Variants in STK4 observed in about 807,000 individuals in gnomAD.
STK4 encodes the protein serine/threonine kinase 4.
A neutral mutation model predicts 64.9 loss-of-function variants in STK4; 30 were observed. The observed-to-expected ratio is 0.46, with a 90% CI of 0.35 to 0.63. STK4 has a LOEUF of 0.63. STK4 is among the 20% of genes least tolerant of loss of function. STK4 has a pLI of 0.01. For synonymous variants in STK4, 177 were observed against 199.0 expected, an observed-to-expected ratio of 0.89 and a Z score of 0.93; for missense variants, 466 against 598.5, an observed-to-expected ratio of 0.78 and a Z score of 2.31.
chr20:44,993,253 TAC>T (rs11472178), intron 5 of STK4, among the ~76,000 whole-genome samples: 14 of 151,068 alleles, frequency 9.3e-5, no homozygotes, highest in African/African-American at 1.9e-4. Flanking sequence ...GATATATATG[TAC>T]ACACACACAT....
intron 1 of STK4, among the ~76,000 whole-genome samples, chr20:44,966,906 C>G (rs958470366): frequency 6.6e-6 from 1 of 152,220 alleles, no homozygotes; most frequent in Non-Finnish European, 1.5e-5. Flanking sequence ...GAACGCTATC[C>G]AAGCAGGGAC....
intron 3 of STK4, among the ~76,000 whole-genome samples, chr20:44,979,785 C>CT (rs1201700122): frequency 6.6e-6 from 1 of 150,406 alleles, no homozygotes; most frequent in East Asian, 1.9e-4. Flanking sequence ...TTTTTCCCTT[C>CT]TATTTTTGTG....
intron 10 of STK4, among the ~76,000 whole-genome samples, chr20:45,037,873 A>G (rs769967715): frequency 3.3e-5 from 5 of 152,170 alleles, no homozygotes; most frequent in Non-Finnish European, 7.4e-5. Flanking sequence ...CTGGGAGGCA[A>G]GAATTATTAC....
chr20:45,048,609 G>C (rs2068731188), intron 10 of STK4, among the ~76,000 whole-genome samples: 1 of 151,962 alleles, frequency 6.6e-6, no homozygotes, highest in Non-Finnish European at 1.5e-5. Flanking sequence ...GCGTTCAGGT[G>C]GTTCTCCTGC....
intron 5 of STK4, among the ~76,000 whole-genome samples, chr20:44,994,850 T>A (rs1049059250): frequency 6.6e-6 from 1 of 152,184 alleles, no homozygotes; most frequent in African/African-American, 2.4e-5. Context: ...TTTGTTTTAA[T>A]AATTGATTGA....
rs2067819675 is a variant in STK4, at chr20:45,000,589, A to G, written c.960+69A>G. On this transcript the variant is annotated intron_variant, in intron 8 of 10. Coordinates refer to ENST00000372806, the MANE Select transcript of STK4 (RefSeq NM_006282.5). ...TTATTTTATGATTGCCAAACCAGGT[A>G]AGATGAGTAGGAGGTATTGGATCAA... The G allele has an allele frequency of 1.9e-6, 3 of 1,597,966 alleles. No homozygotes were observed. The Admixed American group carries it at 5.1e-5, about 27-fold the overall frequency.
chr20:44,995,668 G>T (rs1328719482), intron 6 of STK4, among the ~76,000 whole-genome samples: 2 of 145,054 alleles, frequency 1.4e-5, no homozygotes, highest in Admixed American at 6.8e-5. Flanking sequence ...AACAATAAAT[G>T]AATTATGTGT....
intron 2 of STK4, 108 bp from the exon 3 acceptor site, chr20:44,978,335 A>C: frequency 7.5e-7 from 1 of 1,341,378 alleles, no homozygotes; most frequent in Non-Finnish European, 1.0e-6. Flanking sequence ...TATATGTATT[A>C]GGCACTTAGG....
chr20:44,968,383 C>G (rs778567557), intron 1 of STK4, among the ~76,000 whole-genome samples: 6 of 152,224 alleles, frequency 3.9e-5, no homozygotes, highest in Non-Finnish European at 8.8e-5. Flanking sequence ...GTGATCCGCC[C>G]ACCTTGGCTT....
At chr20:44,995,387 C>G in intron 6 of STK4, 130 bp downstream of exon 6, 1 of 1,129,928 alleles carries the variant, frequency 8.9e-7, no homozygotes, top group South Asian at 2.0e-5. Flanking sequence ...GGATGGATCA[C>G]CAGAGGTCAG....
chr20:45,072,407 A>T (rs1024413338), intron 10 of STK4, among the ~76,000 whole-genome samples: 1 of 152,218 alleles, frequency 6.6e-6, no homozygotes, highest in South Asian at 2.1e-4. Context: ...TACCCTCCTA[A>T]TTCCCAGCTC....
intron 7 of STK4, among the ~76,000 whole-genome samples, chr20:44,998,852 C>T (rs2067783111): frequency 6.6e-6 from 1 of 152,128 alleles, no homozygotes; most frequent in African/African-American, 2.4e-5. Flanking sequence ...AGGCGGATCA[C>T]TTGAGGTCGG....
At chr20:45,016,185 T>G (rs1880226826) in intron 9 of STK4, among the ~76,000 whole-genome samples, 1 of 152,174 alleles carries the variant, frequency 6.6e-6, no homozygotes, top group Non-Finnish European at 1.5e-5. Flanking sequence ...TCCTTGGCAA[T>G]AAGATGATAC....
At chr20:45,058,213 GA>G (rs1364906314) in intron 10 of STK4, among the ~76,000 whole-genome samples, 1 of 151,116 alleles carries the variant, frequency 6.6e-6, no homozygotes, top group Admixed American at 6.6e-5. Context: ...TTTTGTTGCA[GA>G]TTTTTTTTTT....
intron 10 of STK4, among the ~76,000 whole-genome samples, chr20:45,025,358 C>T (rs2068326369): frequency 6.6e-6 from 1 of 152,100 alleles, no homozygotes; most frequent in South Asian, 2.1e-4. Context: ...TTATTTTTGT[C>T]CAGTTAGAAA....
intron 2 of STK4, 38 bp downstream of exon 2, chr20:44,972,196 C>G (rs201894044): frequency 6.4e-7 from 1 of 1,562,010 alleles, no homozygotes; most frequent in East Asian, 2.2e-5. Context: ...CATTGGGTCC[C>G]AGTCTTTTTC....
intron 4 of STK4, among the ~76,000 whole-genome samples, chr20:44,986,421 T>C (rs2067530904): frequency 6.6e-6 from 1 of 152,162 alleles, no homozygotes; most frequent in Non-Finnish European, 1.5e-5. Context: ...AAGCCCTTGT[T>C]GAAACAGATT....
chr20:44,996,227 G>C (rs2067727548), intron 6 of STK4, among the ~76,000 whole-genome samples: 1 of 151,954 alleles, frequency 6.6e-6, no homozygotes, highest in Admixed American at 6.6e-5. Context: ...AATGTTAAGG[G>C]CCCATAGAAT....
intron 10 of STK4, among the ~76,000 whole-genome samples, chr20:45,053,514 G>T (rs1403324343): frequency 2.0e-5 from 3 of 152,216 alleles, no homozygotes; most frequent in African/African-American, 7.2e-5. Flanking sequence ...GTGAGAAAAA[G>T]AGCTGAGTCC....
Sources: gnomAD v4.1 joint callset for allele counts (sites outside exome capture counted in the v4.1 genomes callset) on GRCh38, gnomAD v4.1.1 for gene constraint, MANE v1.5 for transcripts, NCBI Gene and HGNC (gene_info 2026-07-23, HGNC 2026-07-21) for gene names.